The following ICA1 variants were observed in gnomAD, a reference collection of about 807,000 sequenced individuals.
ICA1 encodes the protein 69 kDa islet cell autoantigen.
A neutral mutation model predicts 71.0 loss-of-function variants in ICA1; 40 were observed. That is an observed-to-expected ratio of 0.56 (90% CI 0.44 to 0.73). ICA1 has a LOEUF of 0.73. Ranked by LOEUF, ICA1 falls within the 30% of genes least tolerant of loss-of-function variation. The pLI, the probability that ICA1 is intolerant of heterozygous loss-of-function variation, is 0.00. For missense variants in ICA1, 578 were observed against 576.5 expected, an observed-to-expected ratio of 1.00 and a Z score of -0.03; for synonymous variants, 207 against 209.5, an observed-to-expected ratio of 0.99 and a Z score of 0.10.
At chr7:8,195,461 G>A (rs1585103484) in intron 6 of ICA1, among the ~76,000 whole-genome samples, 2 of 151,820 alleles carry the variant, frequency 1.3e-5, no homozygotes, top group Admixed American at 1.3e-4. Flanking sequence ...GAGAATCCTT[G>A]AACCCGGGAG....
At chr7:8,220,556 G>A (rs918184493) in intron 5 of ICA1, among the ~76,000 whole-genome samples, 2 of 152,166 alleles carry the variant, frequency 1.3e-5, no homozygotes, top group East Asian at 1.9e-4. Flanking sequence ...AGAAGGGAAC[G>A]AGGAGGAGTG....
At chr7:8,259,802 C>T (rs945642669) in intron 1 of ICA1, among the ~76,000 whole-genome samples, 4 of 152,028 alleles carry the variant, frequency 2.6e-5, no homozygotes, top group Admixed American at 6.5e-5. Flanking sequence ...GATTGTGATA[C>T]GAAATGTATC....
At chr7:8,218,531 C>T in intron 5 of ICA1, 28 bp from the exon 6 acceptor site, 2 of 1,593,550 alleles carry the variant, frequency 1.3e-6, no homozygotes, top group Non-Finnish European at 1.7e-6. Context: ...GCCACACTCT[C>T]AAAACTAAGC....
chr7:8,182,986 T>C (rs1239991034), intron 6 of ICA1, among the ~76,000 whole-genome samples: 2 of 152,198 alleles, frequency 1.3e-5, no homozygotes, highest in Non-Finnish European at 2.9e-5. Context: ...GGACATGCAA[T>C]GACTATTTCC....
At position 8,144,085 on chromosome 7, in the gene ICA1, C is replaced by A; in HGVS notation, c.805-113G>T. 1 of 652,932 alleles carries A rather than the reference C, an allele frequency of 1.5e-6. No individual in the cohort carries two copies. The highest frequency in any genetic ancestry group is 3.2e-4 in the Middle Eastern group (1 of 3,136). 40.4% of individuals were successfully genotyped at this position (652,932 alleles called of 1,614,324 possible). The stretch of plus-strand genomic sequence containing the variant: ...AAAATTCAACTGCCATTTGTCCCAG[C>A]AACCAAACTTTGAATTACAGGTATT... On this transcript the variant is annotated intron_variant, in intron 8 of 13. Coordinates refer to ENST00000402384, the MANE Select transcript of ICA1 (RefSeq NM_001136020.3). The surrounding 1 kb of genome is among the most constrained non-coding windows in gnomAD (Gnocchi z 4.5).
chr7:8,174,682 C>T (rs528968633), intron 6 of ICA1, among the ~76,000 whole-genome samples: 1 of 147,670 alleles, frequency 6.8e-6, no homozygotes, highest in East Asian at 2.1e-4. Context: ...ATAGTCCCAG[C>T]TACTCAGGAG....
intron 6 of ICA1, among the ~76,000 whole-genome samples, chr7:8,209,140 T>A (rs941067715): frequency 6.6e-6 from 1 of 152,220 alleles, no homozygotes; most frequent in African/African-American, 2.4e-5. Context: ...AGTTCACAGA[T>A]AATTCACTTT....
chr7:8,185,883 G>A (rs1301916235), intron 6 of ICA1, among the ~76,000 whole-genome samples: 1 of 152,174 alleles, frequency 6.6e-6, no homozygotes, highest in African/African-American at 2.4e-5. Flanking sequence ...ACTGATGTCT[G>A]TTATTTTTCC....
rs187234594 is a variant in ICA1 at position 8,200,145 on chromosome 7, G to A, written c.579+18160C>T. Among the ~76,000 whole-genome samples, 515 of 151,860 alleles carry A rather than the reference G, an allele frequency of 3.4e-3. 1 individual carries two copies. The highest frequency in any genetic ancestry group is 9.4e-3 in the African/African-American group (391 of 41,432). ...ACGATGTGATTATTATGCATTGCAC[G>A]CCTGTATCAAAACATCTCGGGTACC... On this transcript the variant is annotated intron_variant, in intron 6 of 13. Coordinates refer to ENST00000402384, the MANE Select transcript of ICA1 (RefSeq NM_001136020.3).
Position 8,157,112 on chromosome 7 carries a change from A to C in ICA1, c.804+4T>G, listed in dbSNP as rs763217596. The C allele has an allele frequency of 6.2e-7, 1 of 1,614,168 alleles. No individual in the cohort carries two copies. The highest frequency in any genetic ancestry group is 1.1e-5 in the South Asian group (1 of 91,078). The stretch of plus-strand genomic sequence containing the variant: ...TTTTCTAGTGGCCCCTCTAGCTTCC[A>C]TACCTTTAAAGTAGTAAATTCATAT... On this transcript the variant is annotated splice_donor_region_variant and intron_variant, in intron 8 of 13. Coordinates refer to ENST00000402384, the MANE Select transcript of ICA1 (RefSeq NM_001136020.3).
At chr7:8,164,077 G>C (rs1804921312) in intron 6 of ICA1, among the ~76,000 whole-genome samples, 1 of 151,974 alleles carries the variant, frequency 6.6e-6, no homozygotes, top group South Asian at 2.1e-4. Context: ...AGCTGAGGTG[G>C]GCGGATCACC....
chr7:8,158,913 C>G (rs537520073), intron 6 of ICA1, among the ~76,000 whole-genome samples: 2 of 152,272 alleles, frequency 1.3e-5, no homozygotes, highest in South Asian at 2.1e-4. Flanking sequence ...CCTTTCTTCT[C>G]AAGGCATTCA....
At chr7:8,221,800 T>C (rs1307151938) in intron 4 of ICA1, among the ~76,000 whole-genome samples, 1 of 152,216 alleles carries the variant, frequency 6.6e-6, no homozygotes, top group African/African-American at 2.4e-5. Flanking sequence ...TCTCTCCTGC[T>C]GACTTTTGAT....
At chr7:8,211,507 T>C (rs1793781464) in intron 6 of ICA1, among the ~76,000 whole-genome samples, 1 of 146,478 alleles carries the variant, frequency 6.8e-6, no homozygotes, top group Non-Finnish European at 1.5e-5. Flanking sequence ...CTGGATTTCA[T>C]TTGTTCATAG....
At chr7:8,180,108 C>A (rs1781761848) in intron 6 of ICA1, among the ~76,000 whole-genome samples, 1 of 151,442 alleles carries the variant, frequency 6.6e-6, no homozygotes, top group Non-Finnish European at 1.5e-5. Context: ...ATGTATATAC[C>A]CACATTAACC....
In ICA1 at chr7:8,120,998, G is replaced by C. The variant is rs1399177627; in HGVS notation, c.1330+6875C>G. Reference sequence around the variant, plus strand: ...GCCAAGCACCATCCTGACACCCACAGTTCCCCCTCAGGCCTAGTTTCCATG... The same window carrying C: ...GCCAAGCACCATCCTGACACCCACACTTCCCCCTCAGGCCTAGTTTCCATG... On this transcript the variant is annotated intron_variant, in intron 13 of 13. Transcript: ENST00000402384. Among the ~76,000 whole-genome samples, 3 of 152,344 alleles carry C rather than the reference G, an allele frequency of 2.0e-5. No individual in the cohort carries two copies. In the East Asian group the frequency reaches 5.8e-4, roughly 29 times the overall value.
intron 8 of ICA1, among the ~76,000 whole-genome samples, chr7:8,151,885 T>C (rs1392190255): frequency 2.0e-5 from 3 of 152,228 alleles, no homozygotes; most frequent in East Asian, 1.9e-4. Flanking sequence ...GGAGGAGACA[T>C]GGGTACATCT....
At chr7:8,157,756 G>A (rs545966163) in intron 7 of ICA1, 9 of 148,772 alleles carry the variant, frequency 6.0e-5, no homozygotes, top group African/African-American at 2.3e-4. Context: ...GTGCAGTGGT[G>A]CGATCTCGGC....
At chr7:8,260,866 C>G (rs923753524) in intron 1 of ICA1, among the ~76,000 whole-genome samples, 1 of 152,196 alleles carries the variant, frequency 6.6e-6, no homozygotes, top group African/African-American at 2.4e-5. Context: ...ATTTCACTCC[C>G]TAACCACAGA....
Sources: gnomAD v4.1 joint callset for allele counts (sites outside exome capture counted in the v4.1 genomes callset) on GRCh38, gnomAD v4.1.1 for gene constraint, Gnocchi (gnomAD v3.1) non-coding constraint, MANE v1.5 for transcripts, NCBI Gene and HGNC (gene_info 2026-07-23, HGNC 2026-07-21) for gene names.